The following FABP6 variants were observed in gnomAD, a reference collection of about 807,000 sequenced individuals.
The protein encoded by FABP6 is fatty acid binding protein 6, also known as gastrotropin.
FABP6 carries 13 observed loss-of-function variants against 14.9 expected under a neutral mutation model. The ratio of observed to expected loss-of-function variants is 0.87; its 90% CI spans 0.57 to 1.39. The LOEUF is 1.39. Ranked by LOEUF, FABP6 falls within the 40% of genes most tolerant of loss-of-function variation. FABP6 has a pLI of 0.00. For missense variants in FABP6, 161 were observed against 167.2 expected (o/e 0.96, Z 0.20); for synonymous variants, 75 against 63.6 (o/e 1.18, Z -0.85).
chr5:160,223,456 T>C (rs546889367), intron 3 of FABP6, among the ~76,000 whole-genome samples: 1 of 148,930 alleles, frequency 6.7e-6, no homozygotes, highest in South Asian at 2.1e-4. Context: ...AAATTCTCGC[T>C]CTGTTGCCTA....
At chr5:160,224,306 C>T (rs955221166) in intron 3 of FABP6, among the ~76,000 whole-genome samples, 1 of 151,896 alleles carries the variant, frequency 6.6e-6, no homozygotes, top group Non-Finnish European at 1.5e-5. Context: ...TGCCTGTGAT[C>T]CTAGCTACTC....
intron 2 of FABP6, among the ~76,000 whole-genome samples, chr5:160,201,711 T>A (rs1053115545): frequency 5.9e-5 from 8 of 136,038 alleles, no homozygotes; most frequent in African/African-American, 2.0e-4. Flanking sequence ...AAGCCACCTG[T>A]CCTGTTTTCT....
intron 3 of FABP6, among the ~76,000 whole-genome samples, chr5:160,216,466 C>T (rs1258640918): frequency 6.6e-6 from 1 of 151,946 alleles, no homozygotes; most frequent in East Asian, 1.9e-4. Flanking sequence ...TGGGGTTTCA[C>T]CATGTTGGCC....
intron 2 of FABP6, among the ~76,000 whole-genome samples, chr5:160,207,797 C>T (rs980302882): frequency 1.6e-4 from 24 of 150,334 alleles, no homozygotes; most frequent in Non-Finnish European, 2.9e-4. Context: ...GATCTCGGCT[C>T]ACTGCAACCT....
intron 2 of FABP6, chr5:160,213,682 A>G (rs764644232): frequency 4.1e-6 from 6 of 1,478,336 alleles, no homozygotes; most frequent in Non-Finnish European, 5.7e-6. Flanking sequence ...ATTGGACCAG[A>G]GATGCCCACT....
intron 3 of FABP6, among the ~76,000 whole-genome samples, chr5:160,218,451 T>C (rs1760062010): frequency 7.0e-6 from 1 of 143,060 alleles, no homozygotes; most frequent in South Asian, 2.2e-4. Flanking sequence ...TTTCTTATCT[T>C]AGTCTTTGAC....
intron 3 of FABP6, among the ~76,000 whole-genome samples, chr5:160,222,095 C>CTTTTTTTTTT (rs202190021): frequency 3.1e-5 from 4 of 130,322 alleles, no homozygotes; most frequent in Admixed American, 8.0e-5. Context: ...TTTTTCTTTT[C>CTTTTTTTTTT]TTTTTTTTTT....
chr5:160,193,810 A>C (rs905718586), intron 1 of FABP6, among the ~76,000 whole-genome samples: 15 of 152,270 alleles, frequency 9.9e-5, no homozygotes, highest in Non-Finnish European at 1.9e-4. Flanking sequence ...TCCCCACCAG[A>C]CTCAGGAGCC....
chr5:160,235,051 A>G (rs1394001755), intron 3 of FABP6, 142 bp downstream of exon 3: 1 of 563,928 alleles, frequency 1.8e-6, no homozygotes, highest in Non-Finnish European at 3.0e-6. Flanking sequence ...CTGGATGCAC[A>G]TGATGTCATT....
At chr5:160,234,328 C>T (rs1205049301) in intron 2 of FABP6, among the ~76,000 whole-genome samples, 1 of 151,614 alleles carries the variant, frequency 6.6e-6, no homozygotes, top group Non-Finnish European at 1.5e-5. Context: ...TCTTGCTGTC[C>T]TGCCCAGTGC....
At chr5:160,201,798 C>T in intron 2 of FABP6, among the ~76,000 whole-genome samples, 1 of 152,144 alleles carries the variant, frequency 6.6e-6, no homozygotes, top group Non-Finnish European at 1.5e-5. Flanking sequence ...GGGTCTTACT[C>T]TATCACTCAG....
At chr5:160,224,314 C>T (rs913137799) in intron 3 of FABP6, among the ~76,000 whole-genome samples, 2 of 152,070 alleles carry the variant, frequency 1.3e-5, no homozygotes, top group African/African-American at 4.8e-5. Context: ...ATCCTAGCTA[C>T]TCGTGAGCCT....
At position 160,238,681 on chromosome 5, in the gene FABP6, A is replaced by T; in HGVS notation, c.*22A>T. The T allele has an allele frequency of 6.2e-7, 1 of 1,612,622 alleles. No individual in the cohort carries two copies. Among genetic ancestry groups the T allele is most frequent in the Non-Finnish European group, 8.5e-7 (1 of 1,178,770 alleles). ...CTAAGCAGCCAGGCCCGGCCCAGGG[A>T]GCTACAAACCCACCAATAAAACTGA... On this transcript the variant is annotated 3_prime_UTR_variant, in exon 4 of 4. Coordinates refer to ENST00000402432, the MANE Select transcript of FABP6 (RefSeq NM_001445.3).
At chr5:160,213,842 G>C (rs765913973) in intron 3 of FABP6, 10 of 1,595,326 alleles carry the variant, frequency 6.3e-6, no homozygotes, top group Non-Finnish European at 6.0e-6. Flanking sequence ...AGAAGGGAGG[G>C]AAGGGTTCCT....
Position 160,199,120 on chromosome 5 carries a change from C to T in FABP6, c.14C>T (p.Thr5Met), listed in dbSNP as rs201223363. Residue 5 changes from threonine to methionine, a missense_variant, in exon 2 of 7, where the codon ACG becomes ATG. Coordinates refer to the FABP6 transcript ENST00000393980. ...AGCCCAGAGGCGATGAAGACAGTGA[C>T]GATGATGATGGTGGTGGAGATGCAG... The T allele has an allele frequency of 1.2e-4, 189 of 1,614,110 alleles. No homozygotes were observed. The highest frequency in any genetic ancestry group is 2.5e-4 in the Admixed American group (15 of 60,020).
At position 160,232,914 on chromosome 5, in the gene FABP6, T is replaced by A. The variant is rs562250381; in HGVS notation, c.243+641T>A. Among the ~76,000 whole-genome samples, 1,071 of 148,024 alleles carry A rather than the reference T, an allele frequency of 7.2e-3. 3 individuals are homozygous for A. Among genetic ancestry groups the A allele is most frequent in the Admixed American group, 0.013 (194 of 14,802 alleles). On this transcript the variant is annotated intron_variant, in intron 2 of 3. Transcript: ENST00000402432. ...TCCATCACACAAAAAAATAAATAAA[T>A]AAAAATAAAAAAAACCTTGCCTTAG...
At chr5:160,213,523 C>T (rs1759937291) in intron 2 of FABP6, among the ~76,000 whole-genome samples, 1 of 152,198 alleles carries the variant, frequency 6.6e-6, no homozygotes, top group South Asian at 2.1e-4. Context: ...GCTGTTTGTC[C>T]TGTCCTGTCT....
chr5:160,237,965 CTGTT>C (rs1175731858), intron 3 of FABP6, among the ~76,000 whole-genome samples: 1 of 152,214 alleles, frequency 6.6e-6, no homozygotes, highest in East Asian at 1.9e-4. Context: ...CCACAGCTCT[CTGTT>C]TGCTACCCGC....
At chr5:160,236,787 C>T (rs989925771) in intron 3 of FABP6, among the ~76,000 whole-genome samples, 2 of 149,692 alleles carry the variant, frequency 1.3e-5, no homozygotes, top group Non-Finnish European at 3.0e-5. Flanking sequence ...GCCCAGCCAA[C>T]ATGGTGAAAC....
Sources: gnomAD v4.1 joint callset for allele counts (sites outside exome capture counted in the v4.1 genomes callset) on GRCh38, gnomAD v4.1.1 for gene constraint, MANE v1.5 for transcripts, NCBI Gene and HGNC (gene_info 2026-07-23, HGNC 2026-07-21) for gene names.